Variants in MED27 observed in about 807,000 individuals in gnomAD.
The protein encoded by MED27 is mediator of RNA polymerase II transcription subunit 27.
MED27 carries 30 observed loss-of-function variants against 38.2 expected under a neutral mutation model. The observed-to-expected ratio is 0.79, with a 90% CI of 0.59 to 1.07. MED27 has a LOEUF of 1.07. Among genes scored for constraint, MED27 ranks in the 50% least tolerant of loss-of-function variants. The pLI is 0.00. For synonymous variants in MED27, 122 were observed against 153.5 expected (o/e 0.79, Z 1.52); for missense variants, 289 against 397.5 (o/e 0.73, Z 2.32).
At chr9:131,958,642 A>C (rs545075694) in intron 3 of MED27, among the ~76,000 whole-genome samples, 1 of 152,334 alleles carries the variant, frequency 6.6e-6, no homozygotes, top group South Asian at 2.1e-4. Context: ...TTTGCTCTGC[A>C]GGCTGTGTCA....
intron 2 of MED27, among the ~76,000 whole-genome samples, chr9:132,044,086 A>G (rs1356383362): frequency 1.3e-5 from 2 of 152,198 alleles, no homozygotes; most frequent in African/African-American, 2.4e-5. Context: ...TGAGATAACA[A>G]AGGAAAAGAG....
At chr9:132,079,417 G>A (rs1834124230) in intron 1 of MED27, among the ~76,000 whole-genome samples, 2 of 152,176 alleles carry the variant, frequency 1.3e-5, no homozygotes, top group African/African-American at 4.8e-5. Context: ...GGTCGAGGAT[G>A]GCGGAAGACA....
chr9:131,967,451 T>C (rs896429603), intron 3 of MED27, among the ~76,000 whole-genome samples: 1 of 152,060 alleles, frequency 6.6e-6, no homozygotes, highest in African/African-American at 2.4e-5. Flanking sequence ...TACGGCAGAG[T>C]CTCCAGCTCA....
At chr9:131,906,358 G>C (rs553717091) in intron 4 of MED27, among the ~76,000 whole-genome samples, 7 of 152,362 alleles carry the variant, frequency 4.6e-5, no homozygotes, top group Non-Finnish European at 1.0e-4. Context: ...AACCTACTGG[G>C]TAAGACAAGG....
chr9:131,889,022 C>T lies in MED27; in HGVS notation c.681+4863G>A, dbSNP rs1839185231. Among the ~76,000 whole-genome samples the T allele has an allele frequency of 1.3e-5, 2 of 152,316 alleles. No homozygotes were observed. The highest frequency in any genetic ancestry group is 2.1e-4 in the South Asian group (1 of 4,830). Reference sequence around the variant, plus strand: ...CTTTCACCCTTCCCCCTAGAAGTAACAAGAGGCCATTTTTCTGAAGGTCAT... The same window carrying T: ...CTTTCACCCTTCCCCCTAGAAGTAATAAGAGGCCATTTTTCTGAAGGTCAT... On this transcript the variant is annotated intron_variant, in intron 5 of 7. Coordinates refer to ENST00000292035, the MANE Select transcript of MED27 (RefSeq NM_004269.4). This position sits in a 1 kb window ranked among gnomAD's most constrained non-coding sequence, Gnocchi z 4.2.
intron 3 of MED27, among the ~76,000 whole-genome samples, chr9:131,956,217 T>A (rs1831094544): frequency 6.6e-6 from 1 of 152,068 alleles, no homozygotes; most frequent in South Asian, 2.1e-4. Flanking sequence ...CTTACAGAGG[T>A]CAAATCCATA....
intron 2 of MED27, among the ~76,000 whole-genome samples, chr9:132,056,895 G>A (rs896313332): frequency 2.0e-5 from 3 of 152,142 alleles, no homozygotes; most frequent in Admixed American, 1.3e-4. Flanking sequence ...GCTGACCGAC[G>A]CTGAGGTAAT....
At chr9:131,875,171 C>A (rs1838908047) in intron 6 of MED27, among the ~76,000 whole-genome samples, 1 of 152,200 alleles carries the variant, frequency 6.6e-6, no homozygotes. Context: ...ACCCTAGGGA[C>A]TGATCCAGTT....
chr9:131,973,080 G>T (rs542392057), intron 3 of MED27, among the ~76,000 whole-genome samples: 1 of 152,172 alleles, frequency 6.6e-6, no homozygotes, highest in Non-Finnish European at 1.5e-5. Flanking sequence ...CATTAATCAT[G>T]AACCATCTTC....
chr9:131,965,119 T>C (rs1831309914), intron 3 of MED27, among the ~76,000 whole-genome samples: 3 of 152,228 alleles, frequency 2.0e-5, no homozygotes, highest in African/African-American at 7.2e-5. Context: ...AAATTATTCA[T>C]GAAGCTCTCT....
At chr9:132,034,413 G>A (rs1833028842) in intron 2 of MED27, among the ~76,000 whole-genome samples, 2 of 152,144 alleles carry the variant, frequency 1.3e-5, no homozygotes, top group South Asian at 2.1e-4. Flanking sequence ...CAGTCCTCAC[G>A]TCTCCAAGAA....
intron 2 of MED27, among the ~76,000 whole-genome samples, chr9:132,041,426 C>A (rs958637471): frequency 6.6e-6 from 1 of 152,192 alleles, no homozygotes; most frequent in Admixed American, 6.5e-5. Context: ...TTGGGAAGAA[C>A]CAGGTATGGC....
intron 2 of MED27, among the ~76,000 whole-genome samples, chr9:132,068,772 T>C (rs973411611): frequency 6.6e-6 from 1 of 152,096 alleles, no homozygotes; most frequent in African/African-American, 2.4e-5. Context: ...AGGGCAGCTG[T>C]CCAGCTGGGC....
At chr9:131,961,723 C>T (rs1327504908) in intron 3 of MED27, among the ~76,000 whole-genome samples, 3 of 152,202 alleles carry the variant, frequency 2.0e-5, no homozygotes, top group Non-Finnish European at 4.4e-5. Context: ...TTTCTACAGT[C>T]CCTTCCCACT....
chr9:131,890,148 A>G (rs752312294), intron 5 of MED27, among the ~76,000 whole-genome samples: 4 of 152,212 alleles, frequency 2.6e-5, no homozygotes, highest in Non-Finnish European at 5.9e-5. Context: ...GTTTATTTTT[A>G]TCATTTGTGA....
At chr9:131,881,601 C>T (rs1839040898) in intron 6 of MED27, among the ~76,000 whole-genome samples, 1 of 152,132 alleles carries the variant, frequency 6.6e-6, no homozygotes, top group Admixed American at 6.5e-5. Flanking sequence ...TGCAAAGATG[C>T]AATAGACAGT....
At chr9:131,866,114 T>G (rs1838732901) in intron 6 of MED27, among the ~76,000 whole-genome samples, 1 of 152,126 alleles carries the variant, frequency 6.6e-6, no homozygotes, top group Non-Finnish European at 1.5e-5. Context: ...ACTCCCAGGT[T>G]CCCCAAACCC....
In MED27 at chr9:131,900,225, GC is replaced by G. The variant is rs955994844; in HGVS notation, c.574-6234del. On this transcript the variant is annotated intron_variant, in intron 4 of 7. Coordinates refer to ENST00000292035, the MANE Select transcript of MED27 (RefSeq NM_004269.4). Reference sequence around the variant, plus strand: ...CATTTATAAAACCTGCCCCTGCCTAGCCCCCCCATCAGGTCAGCTGCACTCT... The same window carrying G: ...CATTTATAAAACCTGCCCCTGCCTAGCCCCCCATCAGGTCAGCTGCACTCT... Among the ~76,000 whole-genome samples, 43 of 152,252 alleles carry G rather than the reference GC, an allele frequency of 2.8e-4. 2 individuals are homozygous for G. The highest frequency in any genetic ancestry group is 2.7e-3 in the Admixed American group (41 of 15,294).
chr9:131,894,562 T>C (rs1318307213), intron 4 of MED27, among the ~76,000 whole-genome samples: 2 of 151,622 alleles, frequency 1.3e-5, no homozygotes, highest in African/African-American at 2.4e-5. Flanking sequence ...AAAAGAAACA[T>C]GATCCTGGAA....
Sources: gnomAD v4.1 joint callset for allele counts (sites outside exome capture counted in the v4.1 genomes callset) on GRCh38, gnomAD v4.1.1 for gene constraint, Gnocchi (gnomAD v3.1) non-coding constraint, MANE v1.5 for transcripts, NCBI Gene and HGNC (gene_info 2026-07-23, HGNC 2026-07-21) for gene names.